SGCZ: variants seen among roughly 807,000 people sequenced by gnomAD.
SGCZ encodes the protein sarcoglycan zeta, also known as zeta-sarcoglycan.
SGCZ carries 40 observed loss-of-function variants against 41.3 expected under a neutral mutation model. The ratio of observed to expected loss-of-function variants is 0.97; its 90% CI spans 0.75 to 1.26. The LOEUF (loss-of-function observed/expected upper bound fraction) is 1.26, where lower values mean the gene tolerates loss of function less well. SGCZ is among the 50% of genes most tolerant of loss of function. The pLI is 0.00. For missense variants in SGCZ, 552 were observed against 369.8 expected, an observed-to-expected ratio of 1.49 and a Z score of -4.04; for synonymous variants, 206 against 137.5, an observed-to-expected ratio of 1.50 and a Z score of -3.49.
At chr8:14,288,955 T>G (rs948100226) in intron 3 of SGCZ, among the ~76,000 whole-genome samples, 1 of 152,160 alleles carries the variant, frequency 6.6e-6, no homozygotes, top group Non-Finnish European at 1.5e-5. Context: ...TTTATGTCTT[T>G]TGTGTTTCAG....
rs1801610544 is a variant in SGCZ, at chr8:14,089,078, GT to G, written c.*1364del. Among the ~76,000 whole-genome samples, 1 of 151,958 alleles carries G rather than the reference GT, an allele frequency of 6.6e-6. No individual in the cohort carries two copies. Among genetic ancestry groups the G allele is most frequent in the Admixed American group, 6.6e-5 (1 of 15,200 alleles). On this transcript the variant is annotated 3_prime_UTR_variant, in exon 8 of 8. Transcript: ENST00000382080. The stretch of plus-strand genomic sequence containing the variant: ...TTCTTTGACTCTGTAAGTTTCAAGA[GT>G]TTGAGTTAAGGGGTGCTGTGATAAA...
chr8:15,078,279 A>C (rs1365291008), intron 1 of SGCZ, among the ~76,000 whole-genome samples: 2 of 150,784 alleles, frequency 1.3e-5, no homozygotes, highest in Admixed American at 6.6e-5. Flanking sequence ...GCAGCAAAAA[A>C]TCCTGCATCA....
chr8:14,495,837 G>A (rs976286248), intron 2 of SGCZ, among the ~76,000 whole-genome samples: 3 of 152,058 alleles, frequency 2.0e-5, no homozygotes, highest in Non-Finnish European at 4.4e-5. Context: ...TAAAGTTTCA[G>A]GGGACTAAAT....
chr8:14,968,359 T>C (rs2130860963), intron 1 of SGCZ, among the ~76,000 whole-genome samples: 1 of 152,186 alleles, frequency 6.6e-6, no homozygotes, highest in South Asian at 2.1e-4. Context: ...CTTACTAACA[T>C]AGATCTACAG....
intron 1 of SGCZ, among the ~76,000 whole-genome samples, chr8:15,150,271 T>A (rs1045885273): frequency 6.6e-6 from 1 of 152,172 alleles, no homozygotes; most frequent in Non-Finnish European, 1.5e-5. Flanking sequence ...ACAAAGTTAT[T>A]ACAATTGATA....
Position 14,243,431 on chromosome 8 carries a change from T to A in SGCZ, c.337-5752A>T, listed in dbSNP as rs560808290. On this transcript the variant is annotated intron_variant, in intron 3 of 7. Coordinates refer to ENST00000382080, the MANE Select transcript of SGCZ (RefSeq NM_139167.4). ...ACTCACATCGCAATAACCACTCGAT[T>A]TTTCATATCCAGTGTTACTTAAAAA... 4.6e-5 allele frequency among the ~76,000 whole-genome samples: 7 copies of A among 152,304 alleles called. No homozygotes were observed. In the South Asian group the frequency reaches 1.5e-3, roughly 32 times the overall value.
intron 1 of SGCZ, among the ~76,000 whole-genome samples, chr8:14,907,287 T>C (rs931965199): frequency 3.3e-5 from 5 of 152,128 alleles, no homozygotes; most frequent in Non-Finnish European, 5.9e-5. Context: ...CTTGTACTTA[T>C]GGCCTCAAGG....
intron 3 of SGCZ, among the ~76,000 whole-genome samples, chr8:14,251,895 A>G (rs1337410234): frequency 6.6e-6 from 1 of 152,052 alleles, no homozygotes; most frequent in Non-Finnish European, 1.5e-5. Context: ...CTTTTAGTAG[A>G]GACGGGGTTT....
chr8:14,964,171 T>C (rs1457768435), intron 1 of SGCZ, among the ~76,000 whole-genome samples: 1 of 152,244 alleles, frequency 6.6e-6, no homozygotes, highest in African/African-American at 2.4e-5. Flanking sequence ...GTCACTACTG[T>C]TATTGCTAGA....
Position 14,575,066 on chromosome 8 carries a change from C to A in SGCZ, c.40-20140G>T, listed in dbSNP as rs545003207. Among the ~76,000 whole-genome samples the A allele has an allele frequency of 2.0e-5, 3 of 152,154 alleles. No individual in the cohort carries two copies. In the South Asian group the frequency reaches 6.2e-4, roughly 31 times the overall value. ...TATATCCTTATTAGCCACCAAATTA[C>A]TTTTCTAACTTTGAATTAGAGCAAA... On this transcript the variant is annotated intron_variant, in intron 1 of 7. Coordinates refer to ENST00000382080, the MANE Select transcript of SGCZ (RefSeq NM_139167.4).
chr8:14,784,397 G>A (rs767128027), intron 1 of SGCZ, among the ~76,000 whole-genome samples: 1 of 89,848 alleles, frequency 1.1e-5, no homozygotes, highest in African/African-American at 5.9e-5. Context: ...TTGATTTCAT[G>A]TCACATATAT....
At chr8:15,219,051 C>A (rs1360296494) in intron 1 of SGCZ, among the ~76,000 whole-genome samples, 1 of 152,192 alleles carries the variant, frequency 6.6e-6, no homozygotes, top group Non-Finnish European at 1.5e-5. Context: ...TTTTACCCTG[C>A]ACTCTCCACG....
intron 2 of SGCZ, among the ~76,000 whole-genome samples, chr8:14,339,768 C>G (rs1802638163): frequency 1.3e-5 from 2 of 151,762 alleles, no homozygotes; most frequent in Admixed American, 6.6e-5. Context: ...GAGTACATAG[C>G]ACATAAGAAA....
intron 2 of SGCZ, among the ~76,000 whole-genome samples, chr8:14,386,879 GT>G: frequency 6.6e-6 from 1 of 152,216 alleles, no homozygotes; most frequent in South Asian, 2.1e-4. Flanking sequence ...TTGAATTCTA[GT>G]TAGCATATTT....
chr8:14,110,406 C>CT (rs1802336452), intron 5 of SGCZ, among the ~76,000 whole-genome samples: 1 of 152,038 alleles, frequency 6.6e-6, no homozygotes, highest in Non-Finnish European at 1.5e-5. Flanking sequence ...AGCACAAACT[C>CT]TATCAGTGAA....
chr8:14,413,983 T>A (rs1433057879), intron 2 of SGCZ, among the ~76,000 whole-genome samples: 1 of 151,998 alleles, frequency 6.6e-6, no homozygotes, highest in Non-Finnish European at 1.5e-5. Context: ...TTTAGATTAT[T>A]AATCGAGACT....
chr8:14,148,663 G>A (rs1345559704), intron 5 of SGCZ, among the ~76,000 whole-genome samples: 2 of 152,116 alleles, frequency 1.3e-5, no homozygotes, highest in Admixed American at 6.5e-5. Context: ...AATGGAAGAA[G>A]AGGAAATACT....
chr8:14,824,952 GGTAGACATACTGTATTAC>G (rs1802247001), intron 1 of SGCZ, among the ~76,000 whole-genome samples: 1 of 151,980 alleles, frequency 6.6e-6, no homozygotes, highest in African/African-American at 2.4e-5. Context: ...CTCAGACTCT[GGTAGACATACTGTATTAC>G]AAGACCAACA....
intron 1 of SGCZ, among the ~76,000 whole-genome samples, chr8:14,932,396 CT>C (rs1297831489): frequency 6.6e-6 from 1 of 151,972 alleles, no homozygotes; most frequent in Non-Finnish European, 1.5e-5. Flanking sequence ...TGCAAAATGT[CT>C]CTTTCATCAT....
Sources: allele counts gnomAD v4.1 joint callset (sites outside exome capture counted in the v4.1 genomes callset), GRCh38; gene constraint gnomAD v4.1.1; transcripts MANE v1.5; gene names NCBI Gene and HGNC (gene_info 2026-07-23, HGNC 2026-07-21).